The following STIL variants were observed in gnomAD, a reference collection of about 807,000 sequenced individuals.
STIL encodes the protein SCL-interrupting locus protein.
STIL carries 55 observed loss-of-function variants against 110.1 expected under a neutral mutation model. The ratio of observed to expected loss-of-function variants is 0.50; its 90% confidence interval spans 0.40 to 0.63. The LOEUF is 0.63. Ranked by LOEUF, STIL falls within the 20% of genes least tolerant of loss-of-function variation. The pLI, the probability that STIL is intolerant of heterozygous loss-of-function variation, is 0.00. For synonymous variants in STIL, 481 were observed against 530.0 expected, an observed-to-expected ratio of 0.91 and a Z score of 1.27; for missense variants, 1,358 against 1,530.0, an observed-to-expected ratio of 0.89 and a Z score of 1.87.
intron 14 of STIL, among the ~76,000 whole-genome samples, chr1:47,263,492 A>G (rs1644541738): frequency 6.6e-6 from 1 of 152,198 alleles, no homozygotes; most frequent in Non-Finnish European, 1.5e-5. Flanking sequence ...GCAGTGAGCT[A>G]TGATTGTACC....
intron 12 of STIL, among the ~76,000 whole-genome samples, chr1:47,279,607 T>C (rs938319005): frequency 5.3e-5 from 8 of 151,188 alleles, no homozygotes; most frequent in Non-Finnish European, 8.8e-5. Flanking sequence ...CGCGTGCCTG[T>C]AATCCCAGCT....
chr1:47,291,073 C>T (rs906195432), intron 8 of STIL, among the ~76,000 whole-genome samples: 13 of 151,988 alleles, frequency 8.6e-5, no homozygotes, highest in Non-Finnish European at 4.4e-5. Flanking sequence ...TAAATTGCAA[C>T]TCTTGGCCGG....
intron 12 of STIL, among the ~76,000 whole-genome samples, chr1:47,274,865 T>G (rs911536692): frequency 4.6e-5 from 7 of 152,024 alleles, no homozygotes; most frequent in African/African-American, 1.7e-4. Context: ...AAAAAATGCA[T>G]CTCTTGCTGG....
In STIL at chr1:47,250,194, T is replaced by G. The variant is rs2148611022; in HGVS notation, c.*942A>C. 1 of 169,140 alleles carries G rather than the reference T, an allele frequency of 5.9e-6. No individual in the cohort carries two copies. Among genetic ancestry groups the G allele is most frequent in the South Asian group, 2.0e-4 (1 of 4,964 alleles). The allele number at this position is 169,140 out of a possible 1,614,324, so 10.5% of individuals were successfully genotyped here. Reference sequence around the variant, plus strand: ...TTCTATTAAAAAATATTAAGACATCTGAAAAACTCAGAAAGTTTATAAAAC... The same window carrying G: ...TTCTATTAAAAAATATTAAGACATCGGAAAAACTCAGAAAGTTTATAAAAC... On this transcript the variant is annotated 3_prime_UTR_variant, in exon 17 of 17. Coordinates refer to ENST00000371877, the MANE Select transcript of STIL (RefSeq NM_001048166.1).
Position 47,260,467 on chromosome 1 carries a change from T to C in STIL, c.2902A>G (p.Ser968Gly), listed in dbSNP as rs1368593013. ...EQPSTKAVIISHECTRTQNVY... is the reference protein window; with the variant it reads ...EQPSTKAVIIGHECTRTQNVY... ...TTTTGGGTTCTGGTGCATTCATGAC[T>C]GATAATTACTGCTTTGGTAGACGGC... The change falls in exon 16 of 17, where the codon AGT becomes GGT. Residue 968 changes from serine to glycine, a missense_variant. Coordinates refer to ENST00000371877, the MANE Select transcript of STIL (RefSeq NM_001048166.1). 4 of 1,614,098 alleles carry C rather than the reference T, an allele frequency of 2.5e-6. No individual in the cohort carries two copies. The African/African-American group carries it at 4.0e-5, about 16-fold the overall frequency.
At chr1:47,296,025 G>A (rs1249006141) in intron 6 of STIL, among the ~76,000 whole-genome samples, 177 bp from the exon 7 acceptor site, 1 of 152,054 alleles carries the variant, frequency 6.6e-6, no homozygotes, top group African/African-American at 2.4e-5. Context: ...TCTGGTAAGA[G>A]GAAGAGATTA....
In STIL at chr1:47,310,453, AG is replaced by A. The variant is rs758076972; in HGVS notation, c.-43-92del. ...ACATATTAAAATTACAGGCAAAATT[AG>A]ATTACTTATATGAAGTGTGACTATA... On this transcript the variant is annotated intron_variant, in intron 1 of 16. Coordinates refer to ENST00000371877, the MANE Select transcript of STIL (RefSeq NM_001048166.1). 1.0e-4 allele frequency: 77 copies of A among 754,168 alleles called. No homozygotes were observed. The East Asian group carries it at 2.0e-3, about 20-fold the overall frequency. The allele number at this position is 754,168 out of a possible 1,614,324, so 46.7% of individuals were successfully genotyped here. A position where few individuals can be genotyped will look rare whatever the true frequency, so the allele number is the denominator to read the frequency against.
intron 10 of STIL, among the ~76,000 whole-genome samples, chr1:47,285,234 A>G (rs1474047530): frequency 1.3e-5 from 2 of 151,822 alleles, no homozygotes; most frequent in African/African-American, 4.8e-5. Context: ...GTTTCGCCAC[A>G]TTGCCCAGGC....
intron 13 of STIL, among the ~76,000 whole-genome samples, chr1:47,271,837 A>C (rs76044405): frequency 2.0e-5 from 3 of 151,796 alleles, no homozygotes; most frequent in South Asian, 2.1e-4. Flanking sequence ...CAAAAAAAAA[A>C]CCAGAATTGG....
intron 16 of STIL, among the ~76,000 whole-genome samples, chr1:47,254,851 G>C (rs1289256240): frequency 6.6e-6 from 1 of 151,894 alleles, no homozygotes; most frequent in Non-Finnish European, 1.5e-5. Flanking sequence ...TTTTAACTAG[G>C]GCTTCTTTTA....
chr1:47,264,856 G>A (rs540084979), intron 14 of STIL, among the ~76,000 whole-genome samples: 2 of 147,994 alleles, frequency 1.4e-5, no homozygotes, highest in South Asian at 2.1e-4. Flanking sequence ...TGTTGGGATC[G>A]ACAGAGTTAA....
chr1:47,277,539 G>T (rs1179559328), intron 12 of STIL, among the ~76,000 whole-genome samples: 1 of 152,146 alleles, frequency 6.6e-6, no homozygotes, highest in Non-Finnish European at 1.5e-5. Flanking sequence ...GTACTGGATG[G>T]AAGTGGTATG....
In STIL at chr1:47,299,930, G is replaced by T; in HGVS notation, c.676C>A (p.Gln226Lys). 2 of 1,613,944 alleles carry T rather than the reference G, an allele frequency of 1.2e-6. No homozygotes were observed. The highest frequency in any genetic ancestry group is 1.7e-6 in the Non-Finnish European group (2 of 1,179,874). ...RNLSSNLNIS[Q>K]VQGTYKYGYL... is the part of the protein sequence containing the mutation. ...CCATATTTATAAGTCCCTTGAACTTGAGAAATATTCAGATTACTGCTCAAG... is the reference window on the plus strand; with the variant it reads ...CCATATTTATAAGTCCCTTGAACTTTAGAAATATTCAGATTACTGCTCAAG... Residue 226 changes from glutamine (Q) to lysine (K), a missense_variant, in exon 6 of 17, where the codon CAA (glutamine) becomes AAA (lysine). Physicochemically the swap from Gln to Lys is moderately conservative, Grantham distance 53. Transcript: ENST00000371877.
intron 8 of STIL, 75 bp from the exon 9 acceptor site, chr1:47,289,660 T>C: frequency 7.2e-7 from 1 of 1,387,412 alleles, no homozygotes; most frequent in South Asian, 1.2e-5. Flanking sequence ...CATGTGAGTC[T>C]CCCAATCTAG....
chr1:47,299,514 T>G (rs969924778), intron 6 of STIL, among the ~76,000 whole-genome samples: 1 of 149,474 alleles, frequency 6.7e-6, no homozygotes, highest in Non-Finnish European at 1.5e-5. Context: ...TGCCTCAACC[T>G]CCCGAGTAAC....
intron 16 of STIL, among the ~76,000 whole-genome samples, chr1:47,256,534 T>C (rs1056994211): frequency 6.7e-6 from 1 of 149,962 alleles, no homozygotes; most frequent in African/African-American, 2.5e-5. Context: ...GGCAGAAGAA[T>C]TGCTTGAACC....
At chr1:47,275,012 C>A (rs1019458770) in intron 12 of STIL, among the ~76,000 whole-genome samples, 1 of 151,728 alleles carries the variant, frequency 6.6e-6, no homozygotes, top group Non-Finnish European at 1.5e-5. Context: ...ATTAGCCGGG[C>A]ATGGTGGCAC....
rs1644765974 is a variant in STIL at position 47,269,814 on chromosome 1, T to C, written c.2436A>G (p.Gln812=). 4.3e-6 allele frequency: 7 copies of C among 1,614,094 alleles called. No homozygotes were observed. Among genetic ancestry groups the C allele is most frequent in the South Asian group, 2.2e-5 (2 of 91,092 alleles). Reference sequence around the variant, plus strand: ...AAATTTTGGTATCATCTTGCTTCATTTGAGAGTCAGGCTCTTGATCCTCAC... The same window carrying C: ...AAATTTTGGTATCATCTTGCTTCATCTGAGAGTCAGGCTCTTGATCCTCAC... The part of the protein sequence containing the change: ...AAGEDQEPDS[Q]MKQDDTKISS... Residue 812 remains glutamine (Q), a synonymous_variant, in exon 14 of 17, where the codon CAA becomes CAG. Transcript: ENST00000371877.
chr1:47,290,380 T>G (rs3125624), intron 8 of STIL, among the ~76,000 whole-genome samples: 86,887 of 151,858 alleles, frequency 0.57, 26,944 homozygotes, highest in African/African-American at 0.83. Flanking sequence ...ATTATATATA[T>G]AGAGAGAGAG....
Sources: gnomAD v4.1 joint callset for allele counts (sites outside exome capture counted in the v4.1 genomes callset) on GRCh38, gnomAD v4.1.1 for gene constraint, MANE v1.5 for transcripts, NCBI Gene and HGNC (gene_info 2026-07-23, HGNC 2026-07-21) for gene names.